Variants in ASIC2 observed in about 807,000 individuals in gnomAD.
ASIC2 encodes the protein acid-sensing ion channel 2.
ASIC2 carries 25 observed loss-of-function variants against 57.3 expected under a neutral mutation model. That is an observed-to-expected ratio of 0.44 (90% CI 0.32 to 0.61). The LOEUF is 0.61. ASIC2 is among the 20% of genes least tolerant of loss of function. The pLI, the probability that ASIC2 is intolerant of heterozygous loss-of-function variation, is 0.06. For missense variants in ASIC2, 641 were observed against 738.1 expected, an observed-to-expected ratio of 0.87 and a Z score of 1.52; for synonymous variants, 319 against 307.5, an observed-to-expected ratio of 1.04 and a Z score of -0.39.
At chr17:33,612,965 A>T (rs1458871868) in intron 1 of ASIC2, among the ~76,000 whole-genome samples, 2 of 152,220 alleles carry the variant, frequency 1.3e-5, no homozygotes, top group Non-Finnish European at 2.9e-5. Context: ...ATAAGAGTTA[A>T]TGGGACCATC....
chr17:34,052,399 C>A (rs1555587353), intron 1 of ASIC2, among the ~76,000 whole-genome samples: 1 of 152,212 alleles, frequency 6.6e-6, no homozygotes, highest in Non-Finnish European at 1.5e-5. Flanking sequence ...CCACCGGAAT[C>A]CTCCAAAAAT....
At chr17:33,628,015 G>A (rs947478117) in intron 1 of ASIC2, among the ~76,000 whole-genome samples, 3 of 152,110 alleles carry the variant, frequency 2.0e-5, no homozygotes, top group Non-Finnish European at 4.4e-5. Flanking sequence ...GGGGGACAGA[G>A]CGAGACTCTG....
intron 1 of ASIC2, among the ~76,000 whole-genome samples, chr17:33,622,212 A>T (rs769532557): frequency 1.3e-5 from 2 of 152,068 alleles, no homozygotes; most frequent in Non-Finnish European, 2.9e-5. Flanking sequence ...AGCTTAAGAG[A>T]TTGCTGAAAA....
intron 1 of ASIC2, among the ~76,000 whole-genome samples, chr17:34,014,747 CATGG>C (rs1906887333): frequency 6.6e-6 from 1 of 152,172 alleles, no homozygotes; most frequent in Admixed American, 6.5e-5. Flanking sequence ...GAAATGGGGA[CATGG>C]ATAGCTCCCC....
intron 1 of ASIC2, among the ~76,000 whole-genome samples, chr17:33,469,275 C>T (rs981520305): frequency 4.2e-4 from 64 of 152,134 alleles, no homozygotes; most frequent in Non-Finnish European, 6.8e-4. Flanking sequence ...AGTGTGTGGG[C>T]TTAGGCTAGG....
chr17:33,580,937 C>A lies in ASIC2; in HGVS notation c.556-468870G>T, dbSNP rs573151390. On this transcript the variant is annotated intron_variant, in intron 1 of 9. Coordinates refer to the ASIC2 transcript ENST00000359872. ...GTAGATACCACCTTTTTGGTTTATG[C>A]GGTAGGCAAAATTTTTAAAATGTCC... is the stretch of plus-strand genomic sequence containing the variant. Among the ~76,000 whole-genome samples the A allele has an allele frequency of 3.3e-5, 5 of 152,232 alleles. No homozygotes were observed. The East Asian group carries it at 7.7e-4, about 23-fold the overall frequency.
Position 34,028,001 on chromosome 17 carries a change from A to T in ASIC2, c.555+127977T>A, listed in dbSNP as rs1171441074. On this transcript the variant is annotated intron_variant, in intron 1 of 9. Coordinates refer to the ASIC2 transcript ENST00000359872. The stretch of plus-strand genomic sequence containing the variant: ...AATCTTACAGACAGCCCAGGGCAGC[A>T]GGTATTGTTATCATATTCCACATAT... Among the ~76,000 whole-genome samples, 4 of 152,202 alleles carry T rather than the reference A, an allele frequency of 2.6e-5. No homozygotes were observed. In the East Asian group the frequency reaches 5.8e-4, roughly 22 times the overall value.
chr17:33,313,081 G>A lies in ASIC2; in HGVS notation c.556-201014C>T, dbSNP rs139119071. ...CTAGTACTTTGGGAGACCAAGGTGG[G>A]AGGATTCCTTGAGCCCAAGAGTTCA... is the stretch of plus-strand genomic sequence containing the variant. On this transcript the variant is annotated intron_variant, in intron 1 of 9. Transcript: ENST00000359872. Among the ~76,000 whole-genome samples the A allele has an allele frequency of 1.5e-3, 227 of 152,246 alleles. 5 individuals carry two copies. The highest frequency in any genetic ancestry group is 0.011 in the Admixed American group (161 of 15,292).
At chr17:33,182,571 CT>C (rs1210162937) in intron 1 of ASIC2, among the ~76,000 whole-genome samples, 2 of 152,098 alleles carry the variant, frequency 1.3e-5, no homozygotes, top group Non-Finnish European at 2.9e-5. Flanking sequence ...TTGATTTGTT[CT>C]TTTTTAGTAC....
At chr17:33,744,821 A>G (rs968975879) in intron 1 of ASIC2, among the ~76,000 whole-genome samples, 3 of 152,240 alleles carry the variant, frequency 2.0e-5, no homozygotes, top group Non-Finnish European at 4.4e-5. Context: ...GAAATAGCTC[A>G]TCAAATGGAA....
chr17:33,129,839 T>C (rs2092338182), intron 1 of ASIC2, among the ~76,000 whole-genome samples: 1 of 152,136 alleles, frequency 6.6e-6, no homozygotes, highest in Admixed American at 6.5e-5. Flanking sequence ...GGTTGTTAGG[T>C]GGAGGTCATT....
At chr17:34,034,952 G>C (rs2142040481) in intron 1 of ASIC2, among the ~76,000 whole-genome samples, 1 of 152,130 alleles carries the variant, frequency 6.6e-6, no homozygotes, top group South Asian at 2.1e-4. Flanking sequence ...GTAATTTATA[G>C]ATTCAATGCC....
At chr17:33,115,228 G>C (rs2092276345) in intron 1 of ASIC2, among the ~76,000 whole-genome samples, 1 of 152,192 alleles carries the variant, frequency 6.6e-6, no homozygotes, top group Non-Finnish European at 1.5e-5. Context: ...AGCTGACATA[G>C]CTTAGAGCTT....
At position 33,337,412 on chromosome 17, in the gene ASIC2, C is replaced by T. The variant is rs528930583; in HGVS notation, c.556-225345G>A. Among the ~76,000 whole-genome samples the T allele has an allele frequency of 2.5e-5, 3 of 119,304 alleles. No individual in the cohort carries two copies. In the Admixed American group the frequency reaches 2.8e-4, roughly 11 times the overall value. 78.3% of individuals were successfully genotyped at this position (119,304 alleles called of 152,430 possible). A position where few individuals can be genotyped will look rare whatever the true frequency, so the allele number is the denominator to read the frequency against. ...GCCCAAAGGCATGTAATAGTGATGA[C>T]AGGATGAGGATTTTAACCTTGCGGT... On this transcript the variant is annotated intron_variant, in intron 1 of 9. Coordinates refer to the ASIC2 transcript ENST00000359872.
At chr17:34,082,458 C>A (rs1444127915) in intron 1 of ASIC2, among the ~76,000 whole-genome samples, 1 of 152,160 alleles carries the variant, frequency 6.6e-6, no homozygotes, top group Non-Finnish European at 1.5e-5. Context: ...AAATCTCATA[C>A]AAAAGCATTG....
At chr17:34,138,206 C>T (rs1022510573) in intron 1 of ASIC2, among the ~76,000 whole-genome samples, 1 of 152,124 alleles carries the variant, frequency 6.6e-6, no homozygotes, top group Non-Finnish European at 1.5e-5. Context: ...GTCCTCAATA[C>T]AGAATGAGAG....
intron 1 of ASIC2, chr17:33,112,624 G>A (rs2092264279): frequency 1.3e-5 from 2 of 152,406 alleles, no homozygotes; most frequent in South Asian, 2.1e-4. Context: ...CCTCAGAGTT[G>A]CTGCCCACTC....
chr17:33,554,435 AG>A (rs1285612164), intron 1 of ASIC2, among the ~76,000 whole-genome samples: 5 of 152,074 alleles, frequency 3.3e-5, no homozygotes, highest in Admixed American at 6.6e-5. Flanking sequence ...GAGTGACCAT[AG>A]AAGGGCTATT....
intron 1 of ASIC2, among the ~76,000 whole-genome samples, chr17:33,582,423 A>G (rs1244855055): frequency 2.6e-5 from 4 of 152,208 alleles, no homozygotes; most frequent in African/African-American, 9.6e-5. Flanking sequence ...ACCGAGAGGC[A>G]AGGGTGCTGA....
Sources: allele counts gnomAD v4.1 joint callset (sites outside exome capture counted in the v4.1 genomes callset), GRCh38; gene constraint gnomAD v4.1.1; transcripts MANE v1.5; gene names NCBI Gene and HGNC (gene_info 2026-07-23, HGNC 2026-07-21).